HMGCLL1: variants seen among roughly 807,000 people sequenced by gnomAD.
HMGCLL1 encodes the protein 3-hydroxymethyl-3-methylglutaryl-CoA lyase, cytoplasmic.
Under a neutral mutation model 39.1 loss-of-function variants are expected in HMGCLL1, and 36 were observed. The observed-to-expected ratio is 0.92, with a 90% confidence interval of 0.71 to 1.22. The LOEUF (loss-of-function observed/expected upper bound fraction) is 1.22. HMGCLL1 is among the 50% of genes most tolerant of loss of function. HMGCLL1 has a pLI of 0.00. For missense variants in HMGCLL1, 451 were observed against 416.5 expected (o/e 1.08, Z -0.72); for synonymous variants, 149 against 144.0 (o/e 1.03, Z -0.25).
the HMGCLL1 span, among the ~76,000 whole-genome samples, chr6:55,632,543 A>T: frequency 8.1e-3 from 1,223 of 151,898 alleles, 20 homozygotes; most frequent in African/African-American, 0.027. Context: ...CAAGCCTTGT[A>T]TTTTGATTCA....
intron 1 of HMGCLL1, among the ~76,000 whole-genome samples, chr6:55,570,318 C>T (rs998828293): frequency 7.9e-5 from 12 of 152,168 alleles, no homozygotes; most frequent in African/African-American, 2.9e-4. Flanking sequence ...TATCTACTGG[C>T]CTTAGATGAG....
chr6:55,540,931 G>A (rs1047795669), intron 3 of HMGCLL1, among the ~76,000 whole-genome samples: 2 of 152,116 alleles, frequency 1.3e-5, no homozygotes, highest in Non-Finnish European at 2.9e-5. Flanking sequence ...GGTCATGAAA[G>A]ATGTCAGAGA....
the HMGCLL1 span, among the ~76,000 whole-genome samples, chr6:55,610,810 A>T: frequency 6.6e-6 from 1 of 152,190 alleles, no homozygotes. Flanking sequence ...CTACAAAGGG[A>T]AGCCCATCAG....
intron 1 of HMGCLL1, among the ~76,000 whole-genome samples, chr6:55,574,185 A>C (rs1771653797): frequency 6.6e-6 from 1 of 152,060 alleles, no homozygotes; most frequent in Non-Finnish European, 1.5e-5. Flanking sequence ...ACTGAAAAAA[A>C]TCAATATTAG....
chr6:55,645,725 C>G, the HMGCLL1 span, among the ~76,000 whole-genome samples: 4 of 152,010 alleles, frequency 2.6e-5, no homozygotes, highest in East Asian at 7.7e-4. Context: ...ATTGAACCAT[C>G]CTTGCATCCT....
chr6:55,572,634 G>C (rs1771566422), intron 1 of HMGCLL1, among the ~76,000 whole-genome samples: 1 of 152,026 alleles, frequency 6.6e-6, no homozygotes, highest in African/African-American at 2.4e-5. Context: ...AATCTGAATA[G>C]TATGTATGCT....
intron 7 of HMGCLL1, among the ~76,000 whole-genome samples, chr6:55,490,040 A>G (rs1022207764): frequency 1.3e-5 from 2 of 152,118 alleles, no homozygotes; most frequent in African/African-American, 4.8e-5. Flanking sequence ...GCCCCATGGA[A>G]AGTGAAAAGC....
At chr6:55,593,761 G>A in the HMGCLL1 span, among the ~76,000 whole-genome samples, 5 of 152,032 alleles carry the variant, frequency 3.3e-5, no homozygotes, top group South Asian at 1.0e-3. Context: ...ACATTTCCAT[G>A]TGTCAGGCAC....
chr6:55,539,236 C>G (rs1036074308), intron 3 of HMGCLL1, among the ~76,000 whole-genome samples: 2 of 152,130 alleles, frequency 1.3e-5, no homozygotes, highest in Non-Finnish European at 2.9e-5. Flanking sequence ...ACCAAAGTTT[C>G]CAGGCTTTGT....
chr6:55,529,344 A>G (rs1264189983), intron 3 of HMGCLL1, among the ~76,000 whole-genome samples: 1 of 152,154 alleles, frequency 6.6e-6, no homozygotes, highest in Non-Finnish European at 1.5e-5. Context: ...AATTGTAGTT[A>G]CTGTATACAG....
intron 7 of HMGCLL1, among the ~76,000 whole-genome samples, chr6:55,460,664 T>C (rs1764520364): frequency 6.6e-6 from 1 of 151,906 alleles, no homozygotes; most frequent in Non-Finnish European, 1.5e-5. Context: ...AGACACATGC[T>C]TAAAATTGTA....
chr6:55,470,934 A>C (rs978424190), intron 7 of HMGCLL1, among the ~76,000 whole-genome samples: 2 of 151,702 alleles, frequency 1.3e-5, no homozygotes, highest in African/African-American at 4.8e-5. Flanking sequence ...CCATGATCAA[A>C]TCACCTCCTA....
At chr6:55,556,700 A>T (rs1231227904) in intron 1 of HMGCLL1, among the ~76,000 whole-genome samples, 1 of 152,134 alleles carries the variant, frequency 6.6e-6, no homozygotes, top group East Asian at 1.9e-4. Flanking sequence ...CAGGGCAAAA[A>T]CAAGGAGACT....
At chr6:55,501,854 C>G (rs183519481) in intron 5 of HMGCLL1, among the ~76,000 whole-genome samples, 9 of 151,812 alleles carry the variant, frequency 5.9e-5, no homozygotes, top group Non-Finnish European at 1.0e-4. Context: ...AGTTATATTA[C>G]ATGGACCTGA....
chr6:55,652,478 A>G, the HMGCLL1 span, among the ~76,000 whole-genome samples: 1 of 152,080 alleles, frequency 6.6e-6, no homozygotes, highest in Non-Finnish European at 1.5e-5. Context: ...AAAAAAATAA[A>G]CCCTAAGAGA....
intron 1 of HMGCLL1, among the ~76,000 whole-genome samples, chr6:55,543,748 G>T (rs982973699): frequency 6.6e-6 from 1 of 151,032 alleles, no homozygotes; most frequent in Non-Finnish European, 1.5e-5. Flanking sequence ...GTATCCTAAA[G>T]TCCCAGCTAC....
chr6:55,456,783 C>A (rs903488583), intron 7 of HMGCLL1, among the ~76,000 whole-genome samples: 1 of 152,206 alleles, frequency 6.6e-6, no homozygotes, highest in African/African-American at 2.4e-5. Flanking sequence ...AACACTGCTT[C>A]TTTCTTTGTC....
chr6:55,524,973 TAATAGTA>T (rs2127444428), intron 3 of HMGCLL1, among the ~76,000 whole-genome samples: 1 of 150,648 alleles, frequency 6.6e-6, no homozygotes, highest in South Asian at 2.1e-4. Flanking sequence ...TAATTAATAG[TAATAGTA>T]ATAGTAATTA....
chr6:55,576,961 G>C, intron 1 of HMGCLL1: 1 of 1,343,860 alleles, frequency 7.4e-7, no homozygotes, highest in East Asian at 2.4e-5. Flanking sequence ...AGAAATAGGG[G>C]AATGTAAGTC....
Sources: allele counts gnomAD v4.1 joint callset (sites outside exome capture counted in the v4.1 genomes callset), GRCh38; gene constraint gnomAD v4.1.1; transcripts MANE v1.5; gene names NCBI Gene and HGNC (gene_info 2026-07-23, HGNC 2026-07-21).